PDE4D: variants seen among roughly 807,000 people sequenced by gnomAD.
The protein encoded by PDE4D is 3',5'-cyclic-AMP phosphodiesterase 4D.
PDE4D carries 24 observed loss-of-function variants against 87.4 expected under a neutral mutation model. The ratio of observed to expected loss-of-function variants is 0.27; its 90% CI spans 0.20 to 0.39. PDE4D has a LOEUF of 0.39. Among genes scored for constraint, PDE4D ranks in the 10% least tolerant of loss-of-function variants. PDE4D has a pLI of 1.00. For synonymous variants in PDE4D, 384 were observed against 383.2 expected (o/e 1.00, Z -0.02); for missense variants, 714 against 1,041.0 (o/e 0.69, Z 4.32).
At chr5:59,879,921 A>G (rs538404115) in intron 1 of PDE4D, among the ~76,000 whole-genome samples, 189 of 151,792 alleles carry the variant, frequency 1.2e-3, no homozygotes, top group African/African-American at 4.5e-3. Flanking sequence ...TTGTATTTTT[A>G]GTAGAGACAG....
At chr5:59,629,828 T>C (rs1831346648) in intron 1 of PDE4D, among the ~76,000 whole-genome samples, 1 of 152,198 alleles carries the variant, frequency 6.6e-6, no homozygotes, top group Non-Finnish European at 1.5e-5. Flanking sequence ...ATGAAAATAA[T>C]TTGCCTGAGG....
chr5:59,109,474 A>G (rs921565986), intron 5 of PDE4D, among the ~76,000 whole-genome samples: 5 of 152,192 alleles, frequency 3.3e-5, no homozygotes, highest in African/African-American at 1.2e-4. Flanking sequence ...GGAAAGCCCA[A>G]AGTAATAGAG....
chr5:59,897,133 A>G (rs941612606), upstream of PDE4D, among the ~76,000 whole-genome samples: 1 of 152,220 alleles, frequency 6.6e-6, no homozygotes, highest in Non-Finnish European at 1.5e-5. Flanking sequence ...GTAAATGATC[A>G]GTATCTTTTT....
intron 1 of PDE4D, among the ~76,000 whole-genome samples, chr5:59,778,329 T>C (rs1764279689): frequency 6.6e-6 from 1 of 152,240 alleles, no homozygotes; most frequent in African/African-American, 2.4e-5. Flanking sequence ...TATGGATAAC[T>C]GTAAAAGCAG....
intron 2 of PDE4D, among the ~76,000 whole-genome samples, chr5:60,090,243 G>A (rs963235629): frequency 6.6e-6 from 1 of 152,048 alleles, no homozygotes; most frequent in African/African-American, 2.4e-5. Flanking sequence ...GAAAACTACA[G>A]GTCAGTATCA....
chr5:60,011,657 T>C (rs1765031232), intron 2 of PDE4D, among the ~76,000 whole-genome samples: 1 of 152,040 alleles, frequency 6.6e-6, no homozygotes. Flanking sequence ...CACATGGCAG[T>C]TTAGTATTTG....
chr5:59,945,658 T>C (rs966254688), intron 3 of PDE4D, among the ~76,000 whole-genome samples: 2 of 152,214 alleles, frequency 1.3e-5, no homozygotes, highest in Non-Finnish European at 2.9e-5. Flanking sequence ...TTGCGTGTCA[T>C]AGGACCTGTT....
intron 1 of PDE4D, among the ~76,000 whole-genome samples, chr5:60,226,988 A>G (rs1040580949): frequency 6.6e-6 from 1 of 152,110 alleles, no homozygotes; most frequent in African/African-American, 2.4e-5. Flanking sequence ...GTCTATATTA[A>G]AATAATTTCC....
chr5:59,242,466 T>C (rs1034495442), intron 1 of PDE4D, among the ~76,000 whole-genome samples: 2 of 152,050 alleles, frequency 1.3e-5, no homozygotes, highest in African/African-American at 4.8e-5. Flanking sequence ...TCCACTGGGG[T>C]GCATGGGTGG....
intron 1 of PDE4D, among the ~76,000 whole-genome samples, chr5:60,438,389 G>A (rs1421754527): frequency 3.3e-5 from 5 of 152,092 alleles, no homozygotes; most frequent in Admixed American, 1.3e-4. Context: ...ATTCTTCTGT[G>A]TGGTACTATT....
intron 1 of PDE4D, among the ~76,000 whole-genome samples, chr5:60,293,910 A>G (rs1232363020): frequency 2.6e-5 from 4 of 152,206 alleles, no homozygotes; most frequent in Admixed American, 1.3e-4. Flanking sequence ...TGTATGATAT[A>G]ATTTTTTATG....
chr5:60,301,517 T>TGTTG (rs1474854591), intron 1 of PDE4D, among the ~76,000 whole-genome samples: 2 of 152,200 alleles, frequency 1.3e-5, no homozygotes, highest in African/African-American at 2.4e-5. Flanking sequence ...GCTTGCCTGC[T>TGTTG]GTTGGTGTAC....
At position 60,323,768 on chromosome 5, in the gene PDE4D, C is replaced by T. The variant is rs149348600; in HGVS notation, c.-89-138081G>A. Among the ~76,000 whole-genome samples, 1,182 of 151,748 alleles carry T rather than the reference C, an allele frequency of 7.8e-3. 16 individuals carry two copies. Among genetic ancestry groups the T allele is most frequent in the African/African-American group, 0.027 (1,104 of 41,090 alleles). ...TAGCATGATTACCACCCTCCACCCC[C>T]CACCCGCAGCCTCTCTCTCCTGAGG... On this transcript the variant is annotated intron_variant, in intron 1 of 16. Transcript: ENST00000502484.
chr5:60,060,505 C>T (rs566385309), intron 2 of PDE4D, among the ~76,000 whole-genome samples: 4 of 152,042 alleles, frequency 2.6e-5, no homozygotes, highest in African/African-American at 7.2e-5. Flanking sequence ...TAAATTCTAC[C>T]CTTTGTTCAA....
At chr5:59,391,474 G>A (rs1231369715) in intron 1 of PDE4D, among the ~76,000 whole-genome samples, 1 of 152,066 alleles carries the variant, frequency 6.6e-6, no homozygotes, top group Non-Finnish European at 1.5e-5. Flanking sequence ...GATGATGGTA[G>A]TGAGAACAAC....
intron 1 of PDE4D, among the ~76,000 whole-genome samples, chr5:60,194,059 T>C (rs1048986531): frequency 1.3e-5 from 2 of 151,598 alleles, no homozygotes; most frequent in East Asian, 1.9e-4. Context: ...TCTCTCCTCT[T>C]GTAAAAAGTA....
intron 1 of PDE4D, among the ~76,000 whole-genome samples, chr5:59,382,389 G>A (rs1319564598): frequency 6.6e-6 from 1 of 151,766 alleles, no homozygotes; most frequent in African/African-American, 2.4e-5. Context: ...TATTCCACAA[G>A]CAAAAAAAAT....
rs1742294100 is a variant in PDE4D, at chr5:58,969,798, T to G, written c.*4866A>C. ...TCAAGTATCTGAATAATTTTCAATA[T>G]CCCAGAATATTCAATTAAGTAAGTA... On this transcript the variant is annotated 3_prime_UTR_variant, in exon 15 of 15. Transcript: ENST00000340635. 6.6e-6 allele frequency: 1 copy of G among 152,142 alleles called. No individual in the cohort carries two copies. The highest frequency in any genetic ancestry group is 2.1e-4 in the South Asian group (1 of 4,816). The allele number at this position is 152,142 out of a possible 1,614,324, so 9.4% of individuals were successfully genotyped here.
At chr5:60,201,552 T>C (rs1452652792) in intron 1 of PDE4D, among the ~76,000 whole-genome samples, 2 of 152,140 alleles carry the variant, frequency 1.3e-5, no homozygotes, top group African/African-American at 4.8e-5. Context: ...AAAGTTTTGT[T>C]ATCGTCACTT....
Sources: allele counts gnomAD v4.1 joint callset (sites outside exome capture counted in the v4.1 genomes callset), GRCh38; gene constraint gnomAD v4.1.1; transcripts MANE v1.5; gene names NCBI Gene and HGNC (gene_info 2026-07-23, HGNC 2026-07-21).